The following ATP8A1 variants were observed in gnomAD, a reference collection of about 807,000 sequenced individuals.
ATP8A1 encodes the protein ATPase phospholipid transporting 8A1, also known as phospholipid-transporting ATPase IA.
In ATP8A1, 90 loss-of-function variants were observed where a neutral mutation model predicts 177.7. The observed-to-expected ratio is 0.51, with a 90% CI of 0.43 to 0.60. The LOEUF is 0.60. ATP8A1 is among the 20% of genes least tolerant of loss of function. ATP8A1 has a pLI of 0.00. For synonymous variants in ATP8A1, 493 were observed against 485.9 expected (o/e 1.01, Z -0.19); for missense variants, 1,072 against 1,392.8 (o/e 0.77, Z 3.67).
intron 24 of ATP8A1, among the ~76,000 whole-genome samples, chr4:42,501,748 C>T (rs564277694): frequency 3.9e-5 from 6 of 152,264 alleles, no homozygotes; most frequent in African/African-American, 7.2e-5. Context: ...GAAGGAGCTA[C>T]GCGAAGTGAT....
chr4:42,580,580 G>A (rs1732931993), intron 10 of ATP8A1, among the ~76,000 whole-genome samples: 1 of 152,134 alleles, frequency 6.6e-6, no homozygotes, highest in Non-Finnish European at 1.5e-5. Flanking sequence ...AAAATCCATA[G>A]AACAGAAAAT....
At chr4:42,526,410 T>A (rs1407686358) in intron 20 of ATP8A1, among the ~76,000 whole-genome samples, 1 of 152,182 alleles carries the variant, frequency 6.6e-6, no homozygotes, top group African/African-American at 2.4e-5. Flanking sequence ...GGTGTGTCTG[T>A]GAGGGTGTTA....
intron 20 of ATP8A1, 49 bp from the exon 21 acceptor site, chr4:42,524,896 T>A: frequency 7.8e-7 from 1 of 1,284,690 alleles, no homozygotes. Flanking sequence ...ATTCTGGGTT[T>A]AATAAAGTTG....
chr4:42,504,274 C>T (rs576808964), intron 23 of ATP8A1, among the ~76,000 whole-genome samples: 23 of 152,296 alleles, frequency 1.5e-4, no homozygotes, highest in African/African-American at 5.5e-4. Context: ...CAAGTACTTA[C>T]TTAACCGCAG....
rs193292564 is a variant in ATP8A1 at position 42,610,858 on chromosome 4, G to A, written c.409+5175C>T. Among the ~76,000 whole-genome samples, 52 of 152,256 alleles carry A rather than the reference G, an allele frequency of 3.4e-4. 1 individual carries two copies. The highest frequency in any genetic ancestry group is 1.0e-4 in the Non-Finnish European group (7 of 68,026). Reference sequence around the variant, plus strand: ...TTATAGGTAAGCCAACATACACGTGGCAGAATATATGTTCAGGTCTACCGA... The same window carrying A: ...TTATAGGTAAGCCAACATACACGTGACAGAATATATGTTCAGGTCTACCGA... On this transcript the variant is annotated intron_variant, in intron 5 of 36. Transcript: ENST00000381668.
At chr4:42,429,384 TTG>T (rs1477232184) in intron 33 of ATP8A1, among the ~76,000 whole-genome samples, 2 of 151,966 alleles carry the variant, frequency 1.3e-5, no homozygotes. Context: ...TAAAAGTGTT[TTG>T]TTTTTTTTTT....
At position 42,476,899 on chromosome 4, in the gene ATP8A1, C is replaced by T. The variant is rs75573235; in HGVS notation, c.2324+8597G>A. 6.2e-4 allele frequency among the ~76,000 whole-genome samples: 94 copies of T among 152,252 alleles called. No homozygotes were observed. In the East Asian group the frequency reaches 0.013, roughly 21 times the overall value. On this transcript the variant is annotated intron_variant, in intron 25 of 36. Coordinates refer to ENST00000381668, the MANE Select transcript of ATP8A1 (RefSeq NM_006095.2). The stretch of plus-strand genomic sequence containing the variant: ...GAAACCCAACAGAAATTTCAGTATC[C>T]CTTTCCCTTCTTCAGCGTACTACTT...
Position 42,548,996 on chromosome 4 carries a change from CTG to C in ATP8A1, c.1652+15_1652+16del. 1 of 1,592,036 alleles carries C rather than the reference CTG, an allele frequency of 6.3e-7. No homozygotes were observed. The highest frequency in any genetic ancestry group is 8.6e-7 in the Non-Finnish European group (1 of 1,165,230). On this transcript the variant is annotated intron_variant, in intron 19 of 36. Transcript: ENST00000381668. ...AAATTTATCTTATCCATACAAATCACTGAGCAGATGTTTTACCTGGTAAACTC... is the reference window on the plus strand; with the variant it reads ...AAATTTATCTTATCCATACAAATCACAGCAGATGTTTTACCTGGTAAACTC...
At chr4:42,545,543 C>A (rs1233980032) in intron 19 of ATP8A1, among the ~76,000 whole-genome samples, 2 of 152,322 alleles carry the variant, frequency 1.3e-5, no homozygotes, top group Middle Eastern at 6.8e-3. Flanking sequence ...GCCCAGTAAC[C>A]CAGCACATTC....
intron 12 of ATP8A1, among the ~76,000 whole-genome samples, chr4:42,577,120 G>C (rs1044600681): frequency 1.3e-5 from 2 of 152,122 alleles, no homozygotes; most frequent in African/African-American, 4.8e-5. Context: ...TAAGCCTGCT[G>C]GGTTCATCCA....
chr4:42,597,101 A>T (rs73166503), intron 6 of ATP8A1, among the ~76,000 whole-genome samples: 3,772 of 152,252 alleles, frequency 0.025, 160 homozygotes, highest in African/African-American at 0.085. Context: ...GCTGTGAATG[A>T]TTAGATGCAT....
chr4:42,621,835 C>T (rs2109472710), intron 4 of ATP8A1, among the ~76,000 whole-genome samples: 1 of 152,252 alleles, frequency 6.6e-6, no homozygotes, highest in East Asian at 1.9e-4. Context: ...TCAAACTACA[C>T]TACAGGGCTA....
intron 25 of ATP8A1, among the ~76,000 whole-genome samples, chr4:42,475,744 T>C (rs1392891149): frequency 6.6e-6 from 1 of 152,078 alleles, no homozygotes; most frequent in Non-Finnish European, 1.5e-5. Context: ...ATTTTAAAGA[T>C]TAAAAAACCA....
chr4:42,456,236 G>C (rs1248041037), intron 27 of ATP8A1, among the ~76,000 whole-genome samples: 1 of 152,036 alleles, frequency 6.6e-6, no homozygotes, highest in Non-Finnish European at 1.5e-5. Flanking sequence ...AACTATTTTG[G>C]ACATTTAGCT....
chr4:42,539,137 T>C (rs916308115), intron 20 of ATP8A1, among the ~76,000 whole-genome samples: 2 of 152,250 alleles, frequency 1.3e-5, no homozygotes, highest in Admixed American at 6.5e-5. Context: ...ATGATTATTC[T>C]AAGTGAAGTA....
At position 42,656,984 on chromosome 4, in the gene ATP8A1, C is replaced by A; in HGVS notation, c.-111G>T. 1 of 1,154,100 alleles carries A rather than the reference C, an allele frequency of 8.7e-7. No homozygotes were observed. Among genetic ancestry groups the A allele is most frequent in the Non-Finnish European group, 1.1e-6 (1 of 902,660 alleles). The allele number at this position is 1,154,100 out of a possible 1,614,324, so 71.5% of individuals were successfully genotyped here. The stretch of plus-strand genomic sequence containing the variant: ...CAGAGCGCTCAGCTGCAGCCTGGGC[C>A]GCGCCGCCGCCCACCTAGGGCAGAG... On this transcript the variant is annotated 5_prime_UTR_variant, in exon 1 of 37. Coordinates refer to ENST00000381668, the MANE Select transcript of ATP8A1 (RefSeq NM_006095.2).
At chr4:42,623,727 G>A (rs1474575709) in intron 4 of ATP8A1, among the ~76,000 whole-genome samples, 1 of 152,056 alleles carries the variant, frequency 6.6e-6, no homozygotes, top group Non-Finnish European at 1.5e-5. Context: ...GAGAGGATCA[G>A]GAAAAATAAC....
At chr4:42,609,352 A>C (rs1345890153) in intron 5 of ATP8A1, among the ~76,000 whole-genome samples, 1 of 152,194 alleles carries the variant, frequency 6.6e-6, no homozygotes, top group African/African-American at 2.4e-5. Flanking sequence ...ACATCAATAT[A>C]AGTGGCACGA....
intron 25 of ATP8A1, chr4:42,472,378 T>C: frequency 5.7e-6 from 2 of 353,564 alleles, no homozygotes; most frequent in Non-Finnish European, 5.5e-6. Flanking sequence ...GTTTCCATTG[T>C]AAACAAAAAT....
Sources: allele counts gnomAD v4.1 joint callset (sites outside exome capture counted in the v4.1 genomes callset), GRCh38; gene constraint gnomAD v4.1.1; transcripts MANE v1.5; gene names NCBI Gene and HGNC (gene_info 2026-07-23, HGNC 2026-07-21).